FGD4: variants seen among roughly 807,000 people sequenced by gnomAD.
The protein encoded by FGD4 is FYVE, RhoGEF and PH domain containing 4, also known as FYVE, RhoGEF and PH domain-containing protein 4.
In FGD4, 42 loss-of-function variants were observed where a neutral mutation model predicts 102.0. The observed-to-expected ratio is 0.41, with a 90% confidence interval of 0.32 to 0.53. The LOEUF is 0.53. Among genes scored for constraint, FGD4 ranks in the 20% least tolerant of loss-of-function variants. The pLI is 0.21. For synonymous variants in FGD4, 380 were observed against 375.7 expected (o/e 1.01, Z -0.13); for missense variants, 902 against 1,078.2 (o/e 0.84, Z 2.29).
At chr12:32,619,501 G>A (rs1469636686) in intron 10 of FGD4, among the ~76,000 whole-genome samples, 197 bp from the exon 11 acceptor site, 2 of 151,822 alleles carry the variant, frequency 1.3e-5, no homozygotes, top group Non-Finnish European at 2.9e-5. Flanking sequence ...ACGTGGTGGC[G>A]GGTGCCTGTA....
intron 4 of FGD4, among the ~76,000 whole-genome samples, chr12:32,584,328 C>T (rs1946837881): frequency 6.6e-6 from 1 of 152,090 alleles, no homozygotes; most frequent in African/African-American, 2.4e-5. Flanking sequence ...TTTCCTTGTT[C>T]CTAAATGCAA....
At chr12:32,620,293 G>A (rs1397042479) in intron 11 of FGD4, among the ~76,000 whole-genome samples, 1 of 152,024 alleles carries the variant, frequency 6.6e-6, no homozygotes, top group Non-Finnish European at 1.5e-5. Context: ...GGGCCTTAGG[G>A]GCAATCAAAT....
At chr12:32,633,381 T>C (rs1950602816) in intron 14 of FGD4, among the ~76,000 whole-genome samples, 168 bp from the exon 15 acceptor site, 1 of 152,212 alleles carries the variant, frequency 6.6e-6, no homozygotes, top group South Asian at 2.1e-4. Context: ...ACAAACAGGG[T>C]TGAAACACCT....
At chr12:32,430,424 T>C (rs754121448) in intron 1 of FGD4, among the ~76,000 whole-genome samples, 1 of 152,168 alleles carries the variant, frequency 6.6e-6, no homozygotes, top group Non-Finnish European at 1.5e-5. Flanking sequence ...AATCCTCTAT[T>C]GCTTTCTAGG....
chr12:32,637,330 C>T (rs1281723055), intron 15 of FGD4, among the ~76,000 whole-genome samples: 1 of 151,922 alleles, frequency 6.6e-6, no homozygotes, highest in African/African-American at 2.4e-5. Flanking sequence ...GGCATGGTGG[C>T]TCACGCCTGT....
At chr12:32,444,214 G>T (rs1030124011) in intron 1 of FGD4, among the ~76,000 whole-genome samples, 2 of 151,780 alleles carry the variant, frequency 1.3e-5, no homozygotes, top group Non-Finnish European at 2.9e-5. Flanking sequence ...TATAGAGACA[G>T]GGTCTTACTA....
In FGD4 at chr12:32,599,534, C is replaced by CTTTTTTTTTTTTTTTTTTTTTTT. The variant is rs764106230; in HGVS notation, c.1101+956_1101+978dup. Among the ~76,000 whole-genome samples the CTTTTTTTTTTTTTTTTTTTTTTT allele has an allele frequency of 1.1e-4, 4 of 35,356 alleles. 1 individual carries two copies. Among genetic ancestry groups the CTTTTTTTTTTTTTTTTTTTTTTT allele is most frequent in the Admixed American group, 6.4e-4 (1 of 1,552 alleles). The allele number at this position is 35,356 out of a possible 152,430, so 23.2% of individuals were successfully genotyped here. ...GAATAACTTTTGAAAACTAAGGCAT[C>CTTTTTTTTTTTTTTTTTTTTTTT]TTTTTTTTTTTTTTTTTTTTTTTTT... On this transcript the variant is annotated intron_variant, in intron 5 of 16. Transcript: ENST00000534526.
chr12:32,521,673 A>G (rs1940567753), intron 1 of FGD4, among the ~76,000 whole-genome samples: 1 of 152,196 alleles, frequency 6.6e-6, no homozygotes, highest in Admixed American at 6.5e-5. Flanking sequence ...GAGTTTTAGC[A>G]TTTACTTTAA....
intron 1 of FGD4, among the ~76,000 whole-genome samples, chr12:32,414,290 A>T (rs992060978): frequency 6.6e-6 from 1 of 151,860 alleles, no homozygotes; most frequent in African/African-American, 2.4e-5. Flanking sequence ...TTTTTTTTAA[A>T]AAATTATTTA....
chr12:32,531,107 A>G (rs1941771657), intron 1 of FGD4, among the ~76,000 whole-genome samples: 1 of 151,528 alleles, frequency 6.6e-6, no homozygotes, highest in African/African-American at 2.4e-5. Flanking sequence ...GCGTGCCACC[A>G]TGCCCAGCTA....
At chr12:32,631,694 C>T (rs1307406830) in intron 14 of FGD4, among the ~76,000 whole-genome samples, 2 of 151,822 alleles carry the variant, frequency 1.3e-5, no homozygotes, top group Admixed American at 6.6e-5. Flanking sequence ...TTAGTAGAGA[C>T]GGGGTTTCAC....
intron 1 of FGD4, among the ~76,000 whole-genome samples, chr12:32,479,648 T>C (rs1943669282): frequency 6.6e-6 from 1 of 150,578 alleles, no homozygotes; most frequent in African/African-American, 2.4e-5. Flanking sequence ...CTAAAGATTT[T>C]TTCATACATT....
chr12:32,402,117 ATTTTT>A (rs56852726), intron 1 of FGD4, among the ~76,000 whole-genome samples: 1 of 105,204 alleles, frequency 9.5e-6, no homozygotes, highest in East Asian at 2.7e-4. Flanking sequence ...TTGGCCAGGC[ATTTTT>A]TTTTTTTTTT....
chr12:32,436,371 C>T (rs1202853220), intron 1 of FGD4, among the ~76,000 whole-genome samples: 2 of 152,138 alleles, frequency 1.3e-5, no homozygotes, highest in Non-Finnish European at 2.9e-5. Context: ...CACAAGGAGA[C>T]AAAAGGCTTT....
intron 4 of FGD4, among the ~76,000 whole-genome samples, chr12:32,588,397 G>A (rs536748599): frequency 6.6e-6 from 1 of 152,200 alleles, no homozygotes; most frequent in Admixed American, 6.5e-5. Flanking sequence ...AAGGGAAAAG[G>A]CCTCACTGAT....
intron 1 of FGD4, among the ~76,000 whole-genome samples, chr12:32,431,119 A>G (rs1482531097): frequency 1.3e-5 from 2 of 152,224 alleles, no homozygotes; most frequent in African/African-American, 4.8e-5. Context: ...GGAGAGGTCG[A>G]AAAAAGGAAT....
intron 3 of FGD4, among the ~76,000 whole-genome samples, chr12:32,578,640 G>C (rs537812787): frequency 1.3e-5 from 2 of 152,032 alleles, no homozygotes; most frequent in Non-Finnish European, 2.9e-5. Flanking sequence ...GATCAGCCTG[G>C]GTAATGTGGC....
At chr12:32,507,792 A>T (rs16919964) in intron 1 of FGD4, among the ~76,000 whole-genome samples, 16,953 of 152,160 alleles carry the variant, frequency 0.11, 1,831 homozygotes, top group African/African-American at 0.28. Context: ...TTGTGGGGTT[A>T]TCCTGGGTAT....
intron 1 of FGD4, among the ~76,000 whole-genome samples, chr12:32,491,250 C>G (rs1295177718): frequency 6.6e-6 from 1 of 151,304 alleles, no homozygotes; most frequent in East Asian, 1.9e-4. Context: ...CAATTAAACT[C>G]TAAGTAGAGA....
Sources: gnomAD v4.1 joint callset for allele counts (sites outside exome capture counted in the v4.1 genomes callset) on GRCh38, gnomAD v4.1.1 for gene constraint, MANE v1.5 for transcripts, NCBI Gene and HGNC (gene_info 2026-07-23, HGNC 2026-07-21) for gene names.